GRAMD1A: variants seen among roughly 807,000 people sequenced by gnomAD.
GRAMD1A encodes the protein protein Aster-A.
Under a neutral mutation model 92.0 loss-of-function variants are expected in GRAMD1A, and 50 were observed. The ratio of observed to expected loss-of-function variants is 0.54; its 90% CI spans 0.43 to 0.69. The LOEUF (loss-of-function observed/expected upper bound fraction) is 0.69, where lower values mean the gene tolerates loss of function less well. Among genes scored for constraint, GRAMD1A ranks in the 30% least tolerant of loss-of-function variants. The pLI is 0.00. For synonymous variants in GRAMD1A, 405 were observed against 403.6 expected, an observed-to-expected ratio of 1.00 and a Z score of -0.04; for missense variants, 819 against 978.9, an observed-to-expected ratio of 0.84 and a Z score of 2.18.
chr19:35,014,235 C>T lies in GRAMD1A; in HGVS notation c.917C>T (p.Ser306Phe). Residue 306 changes from serine to phenylalanine, a missense_variant, in exon 10 of 20, where the codon TCC (serine) becomes TTC (phenylalanine). Around this residue, in one of 3 missense-constraint regions of GRAMD1A, gnomAD observed 577 missense variants for 674.6 expected, o/e 0.86. Transcript: ENST00000317991. ...EEQVDSQPDA[S>F]SSQTVTPVAE... ...CAGGTAGACAGCCAGCCAGACGCCT[C>T]CTCCAGCCAGACAGTGACCCCGGTG... The T allele has an allele frequency of 1.9e-6, 3 of 1,614,098 alleles. No individual in the cohort carries two copies. Among genetic ancestry groups the T allele is most frequent in the Non-Finnish European group, 2.5e-6 (3 of 1,180,010 alleles).
In GRAMD1A at chr19:35,021,945, C is replaced by T. The variant is rs747581986; in HGVS notation, c.1754-6C>T. ...GGCCATCTGACTCCAAGCTGCTCTC[C>T]TGCAGGCTCCCTCAGCTCCCGCTTC... On this transcript the variant is annotated splice_region_variant and splice_polypyrimidine_tract_variant and intron_variant, in intron 15 of 19. Coordinates refer to ENST00000317991, the MANE Select transcript of GRAMD1A (RefSeq NM_020895.5). This position sits in a 1 kb window ranked among gnomAD's most constrained non-coding sequence, Gnocchi z 5.3. 7 of 1,613,810 alleles carry T rather than the reference C, an allele frequency of 4.3e-6. No individual in the cohort carries two copies. In the Admixed American group the frequency reaches 8.3e-5, roughly 19 times the overall value.
upstream of GRAMD1A, chr19:34,996,156 A>G (rs2014027095): frequency 6.5e-7 from 1 of 1,536,034 alleles, no homozygotes; most frequent in Non-Finnish European, 8.7e-7. Flanking sequence ...CTGGCCTCTG[A>G]GTCCTGGAAG....
chr19:34,997,243 T>C (rs893468298), upstream of GRAMD1A, among the ~76,000 whole-genome samples: 1 of 152,046 alleles, frequency 6.6e-6, no homozygotes, highest in Non-Finnish European at 1.5e-5. Context: ...CAAAATAAAA[T>C]AGAATTGCAA....
At chr19:35,015,664 A>G in intron 10 of GRAMD1A, 160 bp from the exon 11 acceptor site, 1 of 638,856 alleles carries the variant, frequency 1.6e-6, no homozygotes, top group Non-Finnish European at 2.6e-6. Context: ...CCCTCAACCC[A>G]TCCCTGAGTC....
In GRAMD1A at chr19:35,021,803, C is replaced by T. The variant is rs138099889; in HGVS notation, c.1692C>T (p.His564=). ...RRKRPLSWRA[H]GDGPQHPDPD... ...AGCGGCCCCTGAGCTGGCGGGCTCACGGGGACGGGCCCCAGCACCCAGATC... is the reference window on the plus strand; with the variant it reads ...AGCGGCCCCTGAGCTGGCGGGCTCATGGGGACGGGCCCCAGCACCCAGATC... Residue 564 remains histidine, a synonymous_variant, in exon 15 of 20, where the codon CAC becomes CAT. Coordinates refer to ENST00000317991, the MANE Select transcript of GRAMD1A (RefSeq NM_020895.5). This position sits in a 1 kb window ranked among gnomAD's most constrained non-coding sequence, Gnocchi z 5.3. 14,316 of 1,609,660 alleles carry T rather than the reference C, an allele frequency of 8.9e-3. 90 individuals are homozygous for T. The highest frequency in any genetic ancestry group is 0.011 in the Admixed American group (627 of 59,684).
At chr19:35,019,901 T>G (rs1287128564) in intron 13 of GRAMD1A, among the ~76,000 whole-genome samples, 1 of 152,096 alleles carries the variant, frequency 6.6e-6, no homozygotes, top group African/African-American at 2.4e-5. Context: ...CACGGCAGGC[T>G]AAAGAAGCAG....
intron 1 of GRAMD1A, among the ~76,000 whole-genome samples, chr19:35,001,752 C>G (rs1417920079): frequency 2.0e-5 from 3 of 152,018 alleles, no homozygotes; most frequent in Admixed American, 6.6e-5. Flanking sequence ...GGATTACAGG[C>G]GTGTGCCACC....
At chr19:35,015,406 C>T (rs777434414) in intron 10 of GRAMD1A, 4 of 164,174 alleles carry the variant, frequency 2.4e-5, no homozygotes, top group Non-Finnish European at 5.3e-5. Context: ...ACAGCGGACA[C>T]CCTAGGGTTG....
intron 11 of GRAMD1A, among the ~76,000 whole-genome samples, chr19:35,018,771 TA>T (rs2015821740): frequency 6.6e-6 from 1 of 152,044 alleles, no homozygotes; most frequent in Non-Finnish European, 1.5e-5. Flanking sequence ...GGGGTTTGAG[TA>T]GGGGGTGTCC....
At position 35,009,216 on chromosome 19, in the gene GRAMD1A, G is replaced by A; in HGVS notation, c.106G>A (p.Glu36Lys). 1 of 1,613,802 alleles carries A rather than the reference G, an allele frequency of 6.2e-7. No individual in the cohort carries two copies. The highest frequency in any genetic ancestry group is 8.5e-7 in the Non-Finnish European group (1 of 1,179,682). ...CCCAAGCCGGCCCCCACCTGAGCCA[G>A]AACCAGGCACCATGGTGGAGAAGGG... is the stretch of plus-strand genomic sequence containing the variant. ...LPPSRPPPEPEPGTMVEKGSD... is the reference protein window; with the variant it reads ...LPPSRPPPEPKPGTMVEKGSD... The change falls in exon 2 of 20, where the codon GAA (glutamate) becomes AAA (lysine). Residue 36 changes from glutamate (E) to lysine (K), a missense_variant. By Grantham distance (56) the Glu-to-Lys change is moderately conservative (BLOSUM62 1). Transcript: ENST00000317991.
Position 35,000,427 on chromosome 19 carries a change from T to A in GRAMD1A, c.-52T>A, listed in dbSNP as rs1423988132. On this transcript the variant is annotated 5_prime_UTR_variant, in exon 1 of 20. Coordinates refer to ENST00000317991, the MANE Select transcript of GRAMD1A (RefSeq NM_020895.5). The surrounding 1 kb of genome is among the most constrained non-coding windows in gnomAD (Gnocchi z 4.9). Reference sequence around the variant, plus strand: ...AGCCCAGCCCCGCGCAGCCCAGCCCTGCCCTGCCCTGCCCTGCCCTGCGCC... The same window carrying A: ...AGCCCAGCCCCGCGCAGCCCAGCCCAGCCCTGCCCTGCCCTGCCCTGCGCC... The A allele has an allele frequency of 9.9e-6, 12 of 1,215,878 alleles. No individual in the cohort carries two copies. The highest frequency in any genetic ancestry group is 1.2e-5 in the Non-Finnish European group (12 of 974,752). The allele number at this position is 1,215,878 out of a possible 1,614,324, so 75.3% of individuals were successfully genotyped here. A position where few individuals can be genotyped will look rare whatever the true frequency, so the allele number is the denominator to read the frequency against.
intron 11 of GRAMD1A, 89 bp downstream of exon 11, chr19:35,016,056 T>C: frequency 7.2e-7 from 1 of 1,395,342 alleles, no homozygotes; most frequent in East Asian, 2.4e-5. Context: ...AAGGCACTGC[T>C]AGCCAGTGGG....
chr19:35,012,041 C>T (rs1406603878), intron 7 of GRAMD1A, among the ~76,000 whole-genome samples: 1 of 152,200 alleles, frequency 6.6e-6, no homozygotes, highest in Non-Finnish European at 1.5e-5. Context: ...GAGGACAGGG[C>T]AGAGCCCCGG....
At chr19:34,995,943 AG>A (rs1357865382), upstream of GRAMD1A, 15 of 1,251,020 alleles carry the variant, frequency 1.2e-5, no homozygotes, top group Non-Finnish European at 1.6e-5. Context: ...GAAGGTGGTA[AG>A]GGGGCTTAAG....
In GRAMD1A at chr19:35,010,041, G is replaced by C. The variant is rs541376800; in HGVS notation, c.326-51G>C. On this transcript the variant is annotated intron_variant, in intron 4 of 19. Transcript: ENST00000317991. The stretch of plus-strand genomic sequence containing the variant: ...GACTCTCCGCCAGCCCGCGGGCGCC[G>C]GCTGAGCCTCGTGACTTGGGTGTCC... The C allele has an allele frequency of 2.8e-4, 432 of 1,540,288 alleles. 8 individuals carry two copies. The South Asian group carries it at 4.4e-3, about 16-fold the overall frequency.
upstream of GRAMD1A, chr19:34,999,971 C>A: frequency 1.0e-6 from 1 of 984,748 alleles, no homozygotes; most frequent in Non-Finnish European, 1.2e-6. Flanking sequence ...CCCACCTTCG[C>A]CCCGGCTCTC....
upstream of GRAMD1A, among the ~76,000 whole-genome samples, chr19:34,995,704 C>G (rs1288758290): frequency 2.6e-5 from 4 of 151,814 alleles, no homozygotes; most frequent in Non-Finnish European, 4.4e-5. Flanking sequence ...CCGCCTCAGC[C>G]TCCCGAGTAG....
Position 35,023,544 on chromosome 19 carries a change from T to C in GRAMD1A, c.2079T>C (p.Asp693=). ...QILRASVELL[D]EMKFSLEKLH... ...TGCGGGCCTCCGTGGAGCTCCTGGA[T>C]GAGGTAGGAGGCGCCGCTCGGGCAG... The change falls in exon 19 of 20, where the codon GAT becomes GAC. Residue 693 remains aspartate (D), a synonymous_variant. Coordinates refer to ENST00000317991, the MANE Select transcript of GRAMD1A (RefSeq NM_020895.5). The C allele has an allele frequency of 6.3e-7, 1 of 1,577,182 alleles. No homozygotes were observed. The highest frequency in any genetic ancestry group is 8.6e-7 in the Non-Finnish European group (1 of 1,165,202).
In GRAMD1A at chr19:35,000,399, C is replaced by A; in HGVS notation, c.-80C>A. The A allele has an allele frequency of 1.7e-6, 2 of 1,155,084 alleles. No individual in the cohort carries two copies. 71.6% of individuals were successfully genotyped at this position (1,155,084 alleles called of 1,614,324 possible). ...GCCGGTGCCCTGCGGGGACGCCCAG[C>A]GCAGCCCAGCCCCGCGCAGCCCAGC... On this transcript the variant is annotated 5_prime_UTR_variant, in exon 1 of 20. Coordinates refer to ENST00000317991, the MANE Select transcript of GRAMD1A (RefSeq NM_020895.5). This position sits in a 1 kb window ranked among gnomAD's most constrained non-coding sequence, Gnocchi z 4.9.
Sources: allele counts gnomAD v4.1 joint callset (sites outside exome capture counted in the v4.1 genomes callset), GRCh38; gene constraint gnomAD v4.1.1; regional missense constraint gnomAD v4.1.1; non-coding constraint Gnocchi (gnomAD v3.1); transcripts MANE v1.5; gene names NCBI Gene and HGNC (gene_info 2026-07-23, HGNC 2026-07-21).